Variants in BTBD3 observed in about 807,000 individuals in gnomAD.
BTBD3 encodes BTB domain containing 3.
In BTBD3, 14 loss-of-function variants were observed where a neutral mutation model predicts 41.6. The ratio of observed to expected loss-of-function variants is 0.34; its 90% CI spans 0.22 to 0.53. The LOEUF (loss-of-function observed/expected upper bound fraction) is 0.53. Ranked by LOEUF, BTBD3 falls within the 20% of genes least tolerant of loss-of-function variation. The probability of loss-of-function intolerance (pLI) is 0.95; values close to 1 mark genes in which losing one functional copy is unlikely to be tolerated. For missense variants in BTBD3, 426 were observed against 654.7 expected (o/e 0.65, Z 3.81); for synonymous variants, 249 against 233.7 (o/e 1.07, Z -0.60).
exon 1 of BTBD3, chr20:11,890,899 G>A (rs1222889115): frequency 1.0e-6 from 1 of 984,958 alleles, no homozygotes; most frequent in Non-Finnish European, 1.2e-6. Context: ...TGAGGAGCGG[G>A]CACAGGGCAA....
At chr20:11,908,799 G>A (rs1331827414) in intron 1 of BTBD3, among the ~76,000 whole-genome samples, 1 of 151,998 alleles carries the variant, frequency 6.6e-6, no homozygotes, top group Non-Finnish European at 1.5e-5. Context: ...TATCAGTGTC[G>A]AATTATTATT....
intron 1 of BTBD3, among the ~76,000 whole-genome samples, chr20:11,912,089 G>T (rs564667255): frequency 8.7e-4 from 133 of 152,300 alleles, no homozygotes; most frequent in African/African-American, 3.1e-3. Flanking sequence ...TGGTGAAAAG[G>T]TGGCTTAATG....
intron 2 of BTBD3, chr20:11,919,387 C>G (rs1600245315): frequency 9.9e-6 from 14 of 1,410,478 alleles, no homozygotes; most frequent in East Asian, 2.5e-5. Flanking sequence ...CACACATCCC[C>G]TCTTAACTCT....
chr20:11,908,010 A>G (rs1225696172), intron 1 of BTBD3, among the ~76,000 whole-genome samples: 1 of 152,224 alleles, frequency 6.6e-6, no homozygotes, highest in Non-Finnish European at 1.5e-5. Flanking sequence ...GAAGAGCATT[A>G]TAGAGTAAAG....
chr20:11,912,756 C>A (rs544676970), intron 1 of BTBD3, among the ~76,000 whole-genome samples: 1 of 152,336 alleles, frequency 6.6e-6, no homozygotes, highest in Admixed American at 6.5e-5. Context: ...GAGGGAGAAG[C>A]TGGGTCTAAT....
At chr20:11,906,254 C>CTTTTTTTTTTTTTCTTTTTTTT (rs2056853359) in intron 1 of BTBD3, among the ~76,000 whole-genome samples, 1 of 36,194 alleles carries the variant, frequency 2.8e-5, no homozygotes, top group Non-Finnish European at 4.9e-5. Context: ...ATTATTACTC[C>CTTTTTTTTTTTTTCTTTTTTTT]TTTTTTTTTT....
intron 1 of BTBD3, among the ~76,000 whole-genome samples, chr20:11,899,343 T>G (rs2056809844): frequency 6.6e-6 from 1 of 152,210 alleles, no homozygotes; most frequent in South Asian, 2.1e-4. Context: ...ACAGCAATCC[T>G]TATAGCAGTC....
intron 1 of BTBD3, among the ~76,000 whole-genome samples, chr20:11,912,029 C>T (rs931234994): frequency 2.0e-5 from 3 of 152,170 alleles, no homozygotes; most frequent in Admixed American, 2.0e-4. Context: ...TCCCCACCCC[C>T]CGCTCACCCC....
At chr20:11,892,393 T>G (rs2056760604) in intron 1 of BTBD3, 1 of 152,190 alleles carries the variant, frequency 6.6e-6, no homozygotes, top group African/African-American at 2.4e-5. Flanking sequence ...CCCCCACAGG[T>G]TACTGGCTTT....
At chr20:11,913,698 A>C (rs1485001445), upstream of BTBD3, 1 of 152,202 alleles carries the variant, frequency 6.6e-6, no homozygotes, top group Admixed American at 6.5e-5. Context: ...GAGTTGCATT[A>C]AATGATTTCT....
rs764578522 is a variant in BTBD3 at position 11,922,922 on chromosome 20, G to A, written c.825G>A (p.Arg275=). 1.2e-6 allele frequency: 2 copies of A among 1,614,238 alleles called. No individual in the cohort carries two copies. The highest frequency in any genetic ancestry group is 2.2e-5 in the East Asian group (1 of 44,880). ...AGACACTAGAAAGTATTCTCCGTAG[G>A]GAAACTCTGAATGCCAAAGAAATTG... The part of the protein sequence containing the change: ...DFQTLESILR[R]ETLNAKEIVV... Residue 275 remains arginine, a synonymous_variant, in exon 4 of 4, where the codon AGG becomes AGA. Transcript: ENST00000378226.
At position 11,918,446 on chromosome 20, in the gene BTBD3, T is replaced by C; in HGVS notation, c.171T>C (p.Thr57=). 1 of 1,614,080 alleles carries C rather than the reference T, an allele frequency of 6.2e-7. No homozygotes were observed. The highest frequency in any genetic ancestry group is 8.5e-7 in the Non-Finnish European group (1 of 1,180,002). Residue 57 remains threonine (T), a synonymous_variant, in exon 1 of 4, where the codon ACT becomes ACC. Coordinates refer to ENST00000378226, the MANE Select transcript of BTBD3 (RefSeq NM_014962.4). The part of the protein sequence containing the change: ...PVCYEIITLK[T]KKKKMAADIF... ...GTTATGAAATAATTACCTTGAAGAC[T>C]AAAAAGAAGAAGATGGCTGCTGATA...
chr20:11,911,593 A>G (rs1233437179), intron 1 of BTBD3, among the ~76,000 whole-genome samples: 4 of 152,194 alleles, frequency 2.6e-5, no homozygotes, highest in African/African-American at 9.6e-5. Context: ...AAAAAATCTC[A>G]TAATGTTTTA....
Position 11,923,707 on chromosome 20 carries a change from T to A in BTBD3, c.*41T>A. ...AGCAGCTTGAGCTCCAAAGTGCACA[T>A]CTGGTTCCAACTTGCCTGATGCTTA... On this transcript the variant is annotated 3_prime_UTR_variant, in exon 4 of 4. Coordinates refer to ENST00000378226, the MANE Select transcript of BTBD3 (RefSeq NM_014962.4). The surrounding 1 kb of genome is among the most constrained non-coding windows in gnomAD (Gnocchi z 5.3). 1 of 1,542,592 alleles carries A rather than the reference T, an allele frequency of 6.5e-7. No individual in the cohort carries two copies. The highest frequency in any genetic ancestry group is 8.8e-7 in the Non-Finnish European group (1 of 1,142,026).
chr20:11,923,327 T>C lies in BTBD3; in HGVS notation c.1230T>C (p.Phe410=). The C allele has an allele frequency of 1.2e-6, 2 of 1,614,226 alleles. No homozygotes were observed. The highest frequency in any genetic ancestry group is 1.3e-5 in the African/African-American group (1 of 75,066). The change falls in exon 4 of 4, where the codon TTT becomes TTC. Residue 410 remains phenylalanine (F), a synonymous_variant. Coordinates refer to ENST00000378226, the MANE Select transcript of BTBD3 (RefSeq NM_014962.4). This position sits in a 1 kb window ranked among gnomAD's most constrained non-coding sequence, Gnocchi z 5.3. ...AVDKRVFIAG[F]GLYGSSCGSA... is the part of the protein sequence containing the mutation. The stretch of plus-strand genomic sequence containing the variant: ...ATAAAAGAGTGTTCATTGCTGGCTT[T>C]GGGCTGTATGGCTCCAGCTGTGGTT...
At chr20:11,901,468 C>T (rs907379592) in intron 1 of BTBD3, among the ~76,000 whole-genome samples, 5 of 152,202 alleles carry the variant, frequency 3.3e-5, no homozygotes, top group African/African-American at 1.2e-4. Context: ...CAGTCAGTCT[C>T]TCATGGTGGA....
Position 11,923,818 on chromosome 20 carries a change from T to A in BTBD3, c.*152T>A. The A allele has an allele frequency of 2.8e-6, 2 of 712,496 alleles. No homozygotes were observed. The highest frequency in any genetic ancestry group is 2.3e-6 in the Non-Finnish European group (1 of 443,512). The allele number at this position is 712,496 out of a possible 1,614,324, so 44.1% of individuals were successfully genotyped here. The stretch of plus-strand genomic sequence containing the variant: ...TTCTAATTTCTTTTAACCTTTTAAT[T>A]ATGTACAGGCAAAAATGCAGCATTC... On this transcript the variant is annotated 3_prime_UTR_variant, in exon 4 of 4. Transcript: ENST00000378226. The surrounding 1 kb of genome is among the most constrained non-coding windows in gnomAD (Gnocchi z 5.3).
chr20:11,909,671 A>T (rs1305887573), intron 1 of BTBD3: 1 of 152,178 alleles, frequency 6.6e-6, no homozygotes, highest in Non-Finnish European at 1.5e-5. Context: ...AAAGGATAGC[A>T]TTTCATTAAA....
chr20:11,896,314 T>C (rs1439568340), intron 1 of BTBD3, among the ~76,000 whole-genome samples: 1 of 152,192 alleles, frequency 6.6e-6, no homozygotes, highest in African/African-American at 2.4e-5. Context: ...TAGTCTAAGA[T>C]GGTGGTTGAT....
Sources: allele counts gnomAD v4.1 joint callset (sites outside exome capture counted in the v4.1 genomes callset), GRCh38; gene constraint gnomAD v4.1.1; non-coding constraint Gnocchi (gnomAD v3.1); transcripts MANE v1.5; gene names NCBI Gene and HGNC (gene_info 2026-07-23, HGNC 2026-07-21).